KCNQ1: variants seen among roughly 807,000 people sequenced by gnomAD.
The protein encoded by KCNQ1 is potassium voltage-gated channel subfamily KQT member 1.
Under a neutral mutation model 72.4 loss-of-function variants are expected in KCNQ1, and 49 were observed. The ratio of observed to expected loss-of-function variants is 0.68; its 90% CI spans 0.54 to 0.86. KCNQ1 has a LOEUF of 0.86. Ranked by LOEUF, KCNQ1 falls within the 40% of genes least tolerant of loss-of-function variation. The probability of loss-of-function intolerance (pLI) is 0.00; values close to 1 mark genes in which losing one functional copy is unlikely to be tolerated. For synonymous variants in KCNQ1, 450 were observed against 412.6 expected (o/e 1.09, Z -1.10); for missense variants, 790 against 945.1 (o/e 0.84, Z 2.15).
chr11:2,822,142 A>G (rs1847751136), intron 15 of KCNQ1, among the ~76,000 whole-genome samples: 1 of 152,212 alleles, frequency 6.6e-6, no homozygotes, highest in African/African-American at 2.4e-5. Flanking sequence ...CCAGGAACGC[A>G]GGCAGCTTCT....
In KCNQ1 at chr11:2,669,275, T is replaced by C. The variant is rs1009379676; in HGVS notation, c.1514+7194T>C. On this transcript the variant is annotated intron_variant, in intron 11 of 15. Coordinates refer to ENST00000155840, the MANE Select transcript of KCNQ1 (RefSeq NM_000218.3). The surrounding 1 kb of genome is among the most constrained non-coding windows in gnomAD (Gnocchi z 5.6). ...TCCCCATCACTGGCTTTGCTGTCTT[T>C]GCAGGGTTTCTCCTCACCATACATA... The C allele has an allele frequency of 7.5e-6, 3 of 398,704 alleles. No homozygotes were observed. The highest frequency in any genetic ancestry group is 8.8e-5 in the Admixed American group (2 of 22,734). The allele number at this position is 398,704 out of a possible 1,614,324, so 24.7% of individuals were successfully genotyped here.
At chr11:2,777,182 G>A in intron 14 of KCNQ1, 150 bp downstream of exon 14, 1 of 801,172 alleles carries the variant, frequency 1.2e-6, no homozygotes, top group East Asian at 2.7e-5. Flanking sequence ...GTAAGGGGAG[G>A]TAGACCCCAC....
intron 1 of KCNQ1, among the ~76,000 whole-genome samples, chr11:2,476,280 A>G (rs528971537): frequency 6.6e-6 from 1 of 152,182 alleles, no homozygotes; most frequent in Non-Finnish European, 1.5e-5. Flanking sequence ...ACGTATGTTT[A>G]AAATATATGT....
At chr11:2,832,118 C>T (rs1483919800) in intron 15 of KCNQ1, among the ~76,000 whole-genome samples, 1 of 152,152 alleles carries the variant, frequency 6.6e-6, no homozygotes, top group Non-Finnish European at 1.5e-5. Context: ...CAGGTGATAG[C>T]TTCATTGTCC....
At chr11:2,689,500 G>A (rs748391440) in intron 11 of KCNQ1, 3 of 398,564 alleles carry the variant, frequency 7.5e-6, no homozygotes, top group African/African-American at 4.1e-5. Context: ...AAGGTTTTGG[G>A]TCACCTTGTT....
intron 6 of KCNQ1, among the ~76,000 whole-genome samples, chr11:2,573,910 C>T (rs1259318900): frequency 1.3e-5 from 2 of 152,266 alleles, no homozygotes; most frequent in East Asian, 1.9e-4. Context: ...TCCCAAGTCA[C>T]TGGCCTGTGG....
Position 2,468,303 on chromosome 11 carries a change from C to T in KCNQ1, c.386+22819C>T, listed in dbSNP as rs990501276. Among the ~76,000 whole-genome samples, 20 of 152,138 alleles carry T rather than the reference C, an allele frequency of 1.3e-4. No individual in the cohort carries two copies. Among genetic ancestry groups the T allele is most frequent in the East Asian group, 3.8e-4 (2 of 5,196 alleles). On this transcript the variant is annotated intron_variant, in intron 1 of 15. Transcript: ENST00000155840. This position sits in a 1 kb window ranked among gnomAD's most constrained non-coding sequence, Gnocchi z 5.7. ...CTGGGACTACAGATGCACACCACCA[C>T]GCCTGGCTAATTTTTGTATTTTTTG...
intron 1 of KCNQ1, among the ~76,000 whole-genome samples, chr11:2,474,008 C>T (rs762562524): frequency 2.0e-5 from 3 of 152,238 alleles, no homozygotes; most frequent in African/African-American, 7.2e-5. Context: ...GCCGGGCCAA[C>T]CTGCTGCTTG....
At chr11:2,793,336 G>A (rs544648059) in intron 15 of KCNQ1, among the ~76,000 whole-genome samples, 85 of 152,320 alleles carry the variant, frequency 5.6e-4, no homozygotes, top group African/African-American at 2.0e-3. Context: ...CCTCAAAACT[G>A]AGGCTGGGCA....
chr11:2,519,409 G>A (rs140813049), intron 1 of KCNQ1, among the ~76,000 whole-genome samples: 4 of 152,208 alleles, frequency 2.6e-5, no homozygotes, highest in Non-Finnish European at 5.9e-5. Flanking sequence ...GGAGGTGAGA[G>A]GATGAAAAGG....
Position 2,715,131 on chromosome 11 carries a change from T to C in KCNQ1, c.1514+53050T>C, listed in dbSNP as rs1250815988. Among the ~76,000 whole-genome samples the C allele has an allele frequency of 6.6e-6, 1 of 151,896 alleles. No homozygotes were observed. The highest frequency in any genetic ancestry group is 1.9e-4 in the East Asian group (1 of 5,142). On this transcript the variant is annotated intron_variant, in intron 11 of 15. Transcript: ENST00000155840. The surrounding 1 kb of genome is among the most constrained non-coding windows in gnomAD (Gnocchi z 4.9). ...GACCGCAAGTGTCTTGACCCAAACA[T>C]GAGATGCCCCTCACCCATCCTCCCA...
Position 2,473,420 on chromosome 11 carries a change from T to A in KCNQ1, c.386+27936T>A, listed in dbSNP as rs552101634. 2.0e-4 allele frequency among the ~76,000 whole-genome samples: 31 copies of A among 151,516 alleles called. No individual in the cohort carries two copies. Among genetic ancestry groups the A allele is most frequent in the Admixed American group, 1.4e-3 (21 of 15,232 alleles). On this transcript the variant is annotated intron_variant, in intron 1 of 15. Coordinates refer to ENST00000155840, the MANE Select transcript of KCNQ1 (RefSeq NM_000218.3). The surrounding 1 kb of genome is among the most constrained non-coding windows in gnomAD (Gnocchi z 6.0). Reference sequence around the variant, plus strand: ...GTCCAGCAGGAGGCAGGAGAGCTGGTGTTTGGAGATGTGAGGGGCTGGGCC... The same window carrying A: ...GTCCAGCAGGAGGCAGGAGAGCTGGAGTTTGGAGATGTGAGGGGCTGGGCC...
intron 1 of KCNQ1, 74 bp downstream of exon 1, chr11:2,445,558 C>T: frequency 2.6e-6 from 4 of 1,519,304 alleles, no homozygotes; most frequent in Non-Finnish European, 3.5e-6. Context: ...TCTGTCCCAG[C>T]GCCACCTGCC....
At chr11:2,728,874 C>T (rs567077137) in intron 11 of KCNQ1, among the ~76,000 whole-genome samples, 3 of 152,248 alleles carry the variant, frequency 2.0e-5, no homozygotes, top group Non-Finnish European at 4.4e-5. Flanking sequence ...TATTATTACA[C>T]AGAAACTTCT....
rs181567865 is a variant in KCNQ1, at chr11:2,780,494, C to A, written c.1794+2457C>A. On this transcript the variant is annotated intron_variant, in intron 15 of 15. Coordinates refer to ENST00000155840, the MANE Select transcript of KCNQ1 (RefSeq NM_000218.3). The stretch of plus-strand genomic sequence containing the variant: ...CAGCCAGAGCCCCTGGCCTTCCCTA[C>A]CAGCACCCTCCCCCACCTCATCCCG... Among the ~76,000 whole-genome samples, 60 of 152,338 alleles carry A rather than the reference C, an allele frequency of 3.9e-4. No homozygotes were observed. The East Asian group carries it at 0.01, about 26-fold the overall frequency.
At chr11:2,648,354 G>A (rs1276926148) in intron 10 of KCNQ1, 11 of 398,294 alleles carry the variant, frequency 2.8e-5, no homozygotes, top group African/African-American at 8.2e-5. Context: ...CTTGAGATGC[G>A]TTTATTAGGT....
intron 1 of KCNQ1, among the ~76,000 whole-genome samples, chr11:2,519,323 T>G (rs1186793149): frequency 6.6e-6 from 1 of 152,270 alleles, no homozygotes; most frequent in African/African-American, 2.4e-5. Context: ...GAGGCGTCCC[T>G]GTGCTGACAC....
rs568849841 is a variant in KCNQ1, at chr11:2,818,582, C to T, written c.1795-29185C>T. Among the ~76,000 whole-genome samples the T allele has an allele frequency of 3.9e-5, 6 of 152,314 alleles. No individual in the cohort carries two copies. In the South Asian group the frequency reaches 1.2e-3, roughly 32 times the overall value. Reference sequence around the variant, plus strand: ...GCCTTACACCCCCCATCCCCACACGCACACAGCTTGGAGGCTGGAAGCCCC... The same window carrying T: ...GCCTTACACCCCCCATCCCCACACGTACACAGCTTGGAGGCTGGAAGCCCC... On this transcript the variant is annotated intron_variant, in intron 15 of 15. Transcript: ENST00000155840. The surrounding 1 kb of genome is among the most constrained non-coding windows in gnomAD (Gnocchi z 7.2).
In KCNQ1 at chr11:2,704,124, C is replaced by T. The variant is rs1207200326; in HGVS notation, c.1514+42043C>T. On this transcript the variant is annotated intron_variant, in intron 11 of 15. Transcript: ENST00000155840. The surrounding 1 kb of genome is among the most constrained non-coding windows in gnomAD (Gnocchi z 4.3). ...GAGGCTTTTTGCATGCATTGGTCCA[C>T]ACACCCACCACTGCAGCTGTCCTGG... 6.6e-6 allele frequency among the ~76,000 whole-genome samples: 1 copy of T among 152,252 alleles called. No homozygotes were observed. Among genetic ancestry groups the T allele is most frequent in the African/African-American group, 2.4e-5 (1 of 41,462 alleles).
Sources: gnomAD v4.1 joint callset for allele counts (sites outside exome capture counted in the v4.1 genomes callset) on GRCh38, gnomAD v4.1.1 for gene constraint, Gnocchi (gnomAD v3.1) non-coding constraint, MANE v1.5 for transcripts, NCBI Gene and HGNC (gene_info 2026-07-23, HGNC 2026-07-21) for gene names.